SEPTIN10: variants seen among roughly 807,000 people sequenced by gnomAD.
The protein encoded by SEPTIN10 is septin-10.
SEPTIN10 carries 66 observed loss-of-function variants against 54.8 expected under a neutral mutation model. That is an observed-to-expected ratio of 1.21 (90% CI 0.99 to 1.48). The LOEUF (loss-of-function observed/expected upper bound fraction) is 1.48, where lower values mean the gene tolerates loss of function less well. Ranked by LOEUF, SEPTIN10 falls within the 40% of genes most tolerant of loss-of-function variation. SEPTIN10 has a pLI of 0.00. For synonymous variants in SEPTIN10, 161 were observed against 181.0 expected (o/e 0.89, Z 0.89); for missense variants, 620 against 545.6 (o/e 1.14, Z -1.36).
Position 109,545,419 on chromosome 2 carries a change from TG to T in SEPTIN10, c.1349+630del, listed in dbSNP as rs376114298. The T allele has an allele frequency of 2.8e-5, 43 of 1,535,894 alleles. No individual in the cohort carries two copies. The African/African-American group carries it at 4.4e-4, about 16-fold the overall frequency. ...ACACGCCTTGCGATTATCATCCACA[TG>T]CTACTCATGGCTGCCCCCTTGCACT... On this transcript the variant is annotated intron_variant, in intron 10 of 10. Coordinates refer to ENST00000397712, the MANE Select transcript of SEPTIN10 (RefSeq NM_144710.5).
rs147124798 is a variant in SEPTIN10, at chr2:109,591,858, C to T, written c.99+1193G>A. On this transcript the variant is annotated intron_variant, in intron 2 of 10. Coordinates refer to ENST00000397712, the MANE Select transcript of SEPTIN10 (RefSeq NM_144710.5). ...GGTTGAGTGAGCCGAGATTGCACCA[C>T]TGCACTCCAGCCTGGGCAACAGAGT... Among the ~76,000 whole-genome samples, 880 of 152,166 alleles carry T rather than the reference C, an allele frequency of 5.8e-3. 11 individuals carry two copies. Among genetic ancestry groups the T allele is most frequent in the South Asian group, 0.056 (271 of 4,806 alleles).
intron 1 of SEPTIN10, among the ~76,000 whole-genome samples, chr2:109,610,724 AAG>A (rs1487688671): frequency 2.0e-5 from 3 of 152,190 alleles, no homozygotes; most frequent in Non-Finnish European, 2.9e-5. Flanking sequence ...TTCAAAAAAA[AAG>A]AGAGAAATGA....
chr2:109,552,656 C>T, intron 9 of SEPTIN10: 1 of 172,770 alleles, frequency 5.8e-6, no homozygotes, highest in Non-Finnish European at 1.2e-5. Flanking sequence ...GTGGCTTACC[C>T]TGCTAGGCAT....
chr2:109,596,161 AGCTGG>A, intron 1 of SEPTIN10, among the ~76,000 whole-genome samples: 1 of 152,296 alleles, frequency 6.6e-6, no homozygotes, highest in South Asian at 2.1e-4. Context: ...TTTCCGAAAC[AGCTGG>A]GCCTACAGGC....
chr2:109,562,426 G>T (rs940217122), intron 8 of SEPTIN10, among the ~76,000 whole-genome samples: 1 of 149,792 alleles, frequency 6.7e-6, no homozygotes, highest in Non-Finnish European at 1.5e-5. Flanking sequence ...CCCCTCAACA[G>T]AGACTCTACA....
At chr2:109,598,949 T>C (rs1695943688) in intron 1 of SEPTIN10, among the ~76,000 whole-genome samples, 1 of 152,100 alleles carries the variant, frequency 6.6e-6, no homozygotes, top group African/African-American at 2.4e-5. Flanking sequence ...GGGTGGGGTA[T>C]TTGGCTTGAA....
intron 1 of SEPTIN10, chr2:109,613,011 T>G (rs1164095664): frequency 8.0e-6 from 4 of 499,600 alleles, no homozygotes. Flanking sequence ...TTTACACAGA[T>G]GAAAACCACC....
At chr2:109,582,371 GGGCAGT>G (rs1691397356) in intron 4 of SEPTIN10, among the ~76,000 whole-genome samples, 1 of 152,158 alleles carries the variant, frequency 6.6e-6, no homozygotes, top group South Asian at 2.1e-4. Flanking sequence ...CAGGCTGGAA[GGGCAGT>G]GGCATGATCA....
At chr2:109,579,385 CTT>C (rs150577425) in intron 4 of SEPTIN10, among the ~76,000 whole-genome samples, 27 of 139,298 alleles carry the variant, frequency 1.9e-4, no homozygotes, top group Admixed American at 2.2e-4. Flanking sequence ...CCAGGCCCTC[CTT>C]TTTTTTTTTT....
chr2:109,579,555 T>G (rs1215590318), intron 4 of SEPTIN10, among the ~76,000 whole-genome samples: 1 of 151,900 alleles, frequency 6.6e-6, no homozygotes, highest in Non-Finnish European at 1.5e-5. Flanking sequence ...GGCTAATTTT[T>G]GTATTTTGGT....
rs1000035955 is a variant in SEPTIN10 at position 109,544,151 on chromosome 2, G to T, written c.*158C>A. 8.4e-6 allele frequency: 13 copies of T among 1,551,330 alleles called. No individual in the cohort carries two copies. The highest frequency in any genetic ancestry group is 1.4e-5 in the African/African-American group (1 of 73,460). ...TCACTCTGGCTTATGTATTGACCTT[G>T]TACTTGAAAGTACTTTTCCATAAAT... On this transcript the variant is annotated 3_prime_UTR_variant, in exon 11 of 11. Coordinates refer to ENST00000397712, the MANE Select transcript of SEPTIN10 (RefSeq NM_144710.5).
intron 8 of SEPTIN10, among the ~76,000 whole-genome samples, chr2:109,563,933 C>CAACATA (rs1686281723): frequency 6.6e-6 from 1 of 152,002 alleles, no homozygotes; most frequent in Non-Finnish European, 1.5e-5. Context: ...CCAGCCTGGG[C>CAACATA]AACATAGTAA....
At chr2:109,581,505 A>G (rs997834007) in intron 4 of SEPTIN10, among the ~76,000 whole-genome samples, 1 of 151,680 alleles carries the variant, frequency 6.6e-6, no homozygotes, top group Non-Finnish European at 1.5e-5. Flanking sequence ...AGCTTATTTA[A>G]AAAGAACTAA....
At chr2:109,565,662 C>T (rs1385842854) in intron 7 of SEPTIN10, 101 bp downstream of exon 7, 1 of 1,025,744 alleles carries the variant, frequency 9.7e-7, no homozygotes, top group African/African-American at 1.6e-5. Flanking sequence ...CTCTGACAAC[C>T]AATCACATCC....
At chr2:109,557,896 G>A (rs1233815682) in intron 8 of SEPTIN10, among the ~76,000 whole-genome samples, 1 of 148,174 alleles carries the variant, frequency 6.7e-6, no homozygotes, top group Non-Finnish European at 1.5e-5. Context: ...ATCCAGGCTG[G>A]ATCATCCTGC....
intron 5 of SEPTIN10, among the ~76,000 whole-genome samples, chr2:109,573,696 C>T (rs540891068): frequency 2.0e-5 from 3 of 152,286 alleles, no homozygotes; most frequent in South Asian, 4.1e-4. Context: ...ATTTCGCATA[C>T]CATTTGAGAT....
At chr2:109,555,445 T>A (rs1239425384) in intron 8 of SEPTIN10, among the ~76,000 whole-genome samples, 5 of 152,088 alleles carry the variant, frequency 3.3e-5, no homozygotes, top group African/African-American at 7.2e-5. Flanking sequence ...ACATGTAACT[T>A]CTTCTGTAAA....
At chr2:109,561,111 G>A (rs964481042) in intron 8 of SEPTIN10, among the ~76,000 whole-genome samples, 1 of 152,110 alleles carries the variant, frequency 6.6e-6, no homozygotes, top group Non-Finnish European at 1.5e-5. Flanking sequence ...GGCCTCCACA[G>A]CTGCTGCCTG....
intron 9 of SEPTIN10, among the ~76,000 whole-genome samples, chr2:109,546,453 C>T (rs1292574397): frequency 6.6e-6 from 1 of 152,006 alleles, no homozygotes; most frequent in African/African-American, 2.4e-5. Context: ...ATGCAAAAAT[C>T]ATAGCTTTAT....
Sources: allele counts gnomAD v4.1 joint callset (sites outside exome capture counted in the v4.1 genomes callset), GRCh38; gene constraint gnomAD v4.1.1; transcripts MANE v1.5; gene names NCBI Gene and HGNC (gene_info 2026-07-23, HGNC 2026-07-21).